Variants in GNAQ observed in about 807,000 individuals in gnomAD.
GNAQ encodes G protein subunit alpha q.
Under a neutral mutation model 43.9 loss-of-function variants are expected in GNAQ, and 8 were observed. The ratio of observed to expected loss-of-function variants is 0.18; its 90% CI spans 0.11 to 0.33. The LOEUF (loss-of-function observed/expected upper bound fraction) is 0.33. Ranked by LOEUF, GNAQ falls within the 10% of genes least tolerant of loss-of-function variation. The pLI is 1.00. For missense variants in GNAQ, 158 were observed against 450.8 expected, an observed-to-expected ratio of 0.35 and a Z score of 5.88; for synonymous variants, 155 against 170.7, an observed-to-expected ratio of 0.91 and a Z score of 0.71.
rs1825309338 is a variant in GNAQ at position 77,721,363 on chromosome 9, G to C, written c.1040C>G (p.Thr347Ser). 1 of 1,612,732 alleles carries C rather than the reference G, an allele frequency of 6.2e-7. No individual in the cohort carries two copies. Among genetic ancestry groups the C allele is most frequent in the East Asian group, 2.2e-5 (1 of 44,834 alleles). ...CTCCTTCAGGTTCAACTGGAGGATGGTGTCCTTGACGGCAGCAAAGACAAA... is the reference window on the plus strand; with the variant it reads ...CTCCTTCAGGTTCAACTGGAGGATGCTGTCCTTGACGGCAGCAAAGACAAA... ...IRFVFAAVKD[T>S]ILQLNLKEYN... is the part of the protein sequence containing the mutation. The change falls in exon 7 of 7, where the codon ACC (threonine) becomes AGC (serine). Residue 347 changes from threonine to serine, a missense_variant. This residue lies in a region of GNAQ where 56 missense variants were observed against 172.2 expected (regional missense o/e 0.33). Coordinates refer to ENST00000286548, the MANE Select transcript of GNAQ (RefSeq NM_002072.5).
chr9:77,839,055 G>C (rs1283917663), intron 2 of GNAQ, among the ~76,000 whole-genome samples: 1 of 152,026 alleles, frequency 6.6e-6, no homozygotes, highest in African/African-American at 2.4e-5. Flanking sequence ...GCTGGGTTGG[G>C]AACTGCCTCT....
intron 1 of GNAQ, chr9:78,030,656 C>T: frequency 2.3e-6 from 1 of 426,660 alleles, no homozygotes. Context: ...CGCTCGCCAC[C>T]CGCTGGGCCA....
At chr9:77,880,976 G>T (rs1285281765) in intron 2 of GNAQ, among the ~76,000 whole-genome samples, 1 of 152,108 alleles carries the variant, frequency 6.6e-6, no homozygotes, top group Non-Finnish European at 1.5e-5. Flanking sequence ...TGAAGACCTT[G>T]AAGTTCTGGA....
At chr9:77,740,040 A>C (rs542266974) in intron 5 of GNAQ, among the ~76,000 whole-genome samples, 1 of 152,370 alleles carries the variant, frequency 6.6e-6, no homozygotes, top group Admixed American at 6.5e-5. Flanking sequence ...AGGAAAATCT[A>C]CATTTGGGGG....
intron 1 of GNAQ, among the ~76,000 whole-genome samples, chr9:77,930,908 C>T (rs1250832306): frequency 6.6e-6 from 1 of 152,044 alleles, no homozygotes; most frequent in Non-Finnish European, 1.5e-5. Context: ...GGCATTACTG[C>T]CTGAGCTATG....
intron 5 of GNAQ, among the ~76,000 whole-genome samples, chr9:77,776,666 AAT>A (rs1826310362): frequency 1.3e-5 from 2 of 152,192 alleles, no homozygotes; most frequent in South Asian, 4.1e-4. Context: ...CACTTTCAAT[AAT>A]GTATAGAACA....
Position 77,717,730 on chromosome 9 carries a change from C to T in GNAQ, c.*3593G>A. 4.4e-6 allele frequency: 1 copy of T among 228,020 alleles called. No individual in the cohort carries two copies. The highest frequency in any genetic ancestry group is 6.1e-5 in the East Asian group (1 of 16,324). 14.1% of individuals were successfully genotyped at this position (228,020 alleles called of 1,614,324 possible). ...TAAAATAGGCCTGCTAGTTAATCTA[C>T]CAAAAAAAAAAAAATACAAGTTTTA... On this transcript the variant is annotated 3_prime_UTR_variant, in exon 7 of 7. Coordinates refer to ENST00000286548, the MANE Select transcript of GNAQ (RefSeq NM_002072.5).
At chr9:77,935,448 T>A (rs4410966) in intron 1 of GNAQ, among the ~76,000 whole-genome samples, 48,568 of 151,934 alleles carry the variant, frequency 0.32, 7,998 homozygotes, top group South Asian at 0.43. Context: ...AAACAAAAAA[T>A]TTTTTAAGAT....
chr9:77,977,690 T>C (rs1823321811), intron 1 of GNAQ, among the ~76,000 whole-genome samples: 1 of 152,342 alleles, frequency 6.6e-6, no homozygotes. Flanking sequence ...GCCAGGGTGC[T>C]GGGCTTCCCC....
At chr9:77,828,059 CAA>C (rs71360654) in intron 2 of GNAQ, among the ~76,000 whole-genome samples, 20 of 19,234 alleles carry the variant, frequency 1.0e-3, no homozygotes, top group East Asian at 5.1e-3. Flanking sequence ...GACTCCTCCT[CAA>C]AAAAAAAAAA....
intron 2 of GNAQ, among the ~76,000 whole-genome samples, chr9:77,885,951 C>T (rs759564398): frequency 1.3e-5 from 2 of 151,224 alleles, no homozygotes; most frequent in Admixed American, 1.3e-4. Flanking sequence ...TGCTCTAATA[C>T]AGTCTCCCTG....
intron 6 of GNAQ, among the ~76,000 whole-genome samples, chr9:77,726,605 G>A (rs1825399804): frequency 6.6e-6 from 1 of 152,106 alleles, no homozygotes; most frequent in African/African-American, 2.4e-5. Flanking sequence ...CTTTTAGTAA[G>A]TACAAAAACA....
At chr9:77,989,717 T>C (rs373078963) in intron 1 of GNAQ, among the ~76,000 whole-genome samples, 70 of 152,346 alleles carry the variant, frequency 4.6e-4, no homozygotes, top group Non-Finnish European at 9.4e-4. Flanking sequence ...GCTCCATACA[T>C]GAAGGAATGC....
At chr9:77,762,908 G>T (rs1294905582) in intron 5 of GNAQ, among the ~76,000 whole-genome samples, 2 of 151,242 alleles carry the variant, frequency 1.3e-5, no homozygotes, top group Non-Finnish European at 2.9e-5. Flanking sequence ...CAGCATGCTC[G>T]TTAAGAGTCA....
chr9:77,812,765 G>C (rs1303670100), intron 3 of GNAQ, among the ~76,000 whole-genome samples: 1 of 151,898 alleles, frequency 6.6e-6, no homozygotes, highest in African/African-American at 2.4e-5. Flanking sequence ...TTTTAAAAAA[G>C]ATACATATTG....
chr9:77,977,329 A>G (rs553575449), intron 1 of GNAQ, among the ~76,000 whole-genome samples: 3 of 152,134 alleles, frequency 2.0e-5, no homozygotes, highest in Non-Finnish European at 4.4e-5. Context: ...AAAATGGCAA[A>G]ATCAAGTCCT....
chr9:77,984,145 G>C (rs75525464), intron 1 of GNAQ, among the ~76,000 whole-genome samples: 4 of 146,320 alleles, frequency 2.7e-5, no homozygotes, highest in Admixed American at 6.8e-5. Context: ...TTTAGTTGAA[G>C]TACGTAGATT....
At chr9:77,785,945 G>T (rs1366517007) in intron 5 of GNAQ, among the ~76,000 whole-genome samples, 2 of 152,102 alleles carry the variant, frequency 1.3e-5, no homozygotes, top group Admixed American at 1.3e-4. Flanking sequence ...TAAGATTATT[G>T]TAACTAGTGA....
chr9:77,872,185 CA>C (rs1828049130), intron 2 of GNAQ, among the ~76,000 whole-genome samples: 1 of 152,272 alleles, frequency 6.6e-6, no homozygotes, highest in African/African-American at 2.4e-5. Flanking sequence ...TAAGTAATTG[CA>C]ACTATGCAAT....
Sources: gnomAD v4.1 joint callset for allele counts (sites outside exome capture counted in the v4.1 genomes callset) on GRCh38, gnomAD v4.1.1 for gene constraint, gnomAD v4.1.1 regional missense constraint, MANE v1.5 for transcripts, NCBI Gene and HGNC (gene_info 2026-07-23, HGNC 2026-07-21) for gene names.